The following TBC1D22A variants were observed in gnomAD, a reference collection of about 807,000 sequenced individuals.
TBC1D22A encodes the protein putative GTPase activator.
In TBC1D22A, 38 loss-of-function variants were observed where a neutral mutation model predicts 60.2. That is an observed-to-expected ratio of 0.63 (90% CI 0.49 to 0.83). The LOEUF is 0.83. Among genes scored for constraint, TBC1D22A ranks in the 40% least tolerant of loss-of-function variants. The pLI is 0.00. For missense variants in TBC1D22A, 628 were observed against 701.0 expected (o/e 0.90, Z 1.18); for synonymous variants, 302 against 281.7 (o/e 1.07, Z -0.72).
chr22:46,857,558 T>C (rs1311638179), intron 4 of TBC1D22A, among the ~76,000 whole-genome samples: 1 of 152,246 alleles, frequency 6.6e-6, no homozygotes, highest in East Asian at 1.9e-4. Context: ...TGGTTTTTAG[T>C]GTGTTTGCAG....
At chr22:46,998,499 A>C (rs1444166629) in intron 10 of TBC1D22A, among the ~76,000 whole-genome samples, 1 of 152,204 alleles carries the variant, frequency 6.6e-6, no homozygotes, top group Non-Finnish European at 1.5e-5. Context: ...GTGGAGACAA[A>C]TTGCACTTTG....
chr22:46,858,759 C>T (rs930388065), intron 4 of TBC1D22A, among the ~76,000 whole-genome samples: 11 of 152,198 alleles, frequency 7.2e-5, no homozygotes, highest in Admixed American at 6.5e-4. Flanking sequence ...AGGGAGGACA[C>T]CCACCGCTGA....
At chr22:46,954,528 C>G (rs1193193556) in intron 8 of TBC1D22A, among the ~76,000 whole-genome samples, 1 of 152,218 alleles carries the variant, frequency 6.6e-6, no homozygotes, top group Non-Finnish European at 1.5e-5. Flanking sequence ...GGCCCCCTCT[C>G]CTGGGCTCAT....
At chr22:46,891,463 A>G (rs1402934657) in intron 6 of TBC1D22A, 69 bp downstream of exon 6, 17 of 1,488,108 alleles carry the variant, frequency 1.1e-5, no homozygotes, top group Non-Finnish European at 1.5e-5. Context: ...ATAGGAGGAA[A>G]TGTTTTATCA....
At chr22:46,816,831 G>A (rs1472393368) in intron 4 of TBC1D22A, among the ~76,000 whole-genome samples, 2 of 152,150 alleles carry the variant, frequency 1.3e-5, no homozygotes, top group Admixed American at 6.5e-5. Context: ...CAGGAAGCGG[G>A]TAGAGCTTGT....
At chr22:46,780,613 G>A (rs1408754718) in intron 1 of TBC1D22A, among the ~76,000 whole-genome samples, 1 of 152,198 alleles carries the variant, frequency 6.6e-6, no homozygotes, top group Non-Finnish European at 1.5e-5. Context: ...TGTCCCTCTT[G>A]ACTCTGACTT....
chr22:46,846,052 ATCTG>A (rs1450237827), intron 4 of TBC1D22A, among the ~76,000 whole-genome samples: 2 of 152,250 alleles, frequency 1.3e-5, no homozygotes, highest in African/African-American at 4.8e-5. Context: ...TTAGACATCC[ATCTG>A]TCTGGGACAA....
At chr22:46,965,913 C>T (rs922269894) in intron 8 of TBC1D22A, among the ~76,000 whole-genome samples, 7 of 152,188 alleles carry the variant, frequency 4.6e-5, no homozygotes, top group African/African-American at 1.7e-4. Flanking sequence ...GTGCCCACCT[C>T]GTTTCCACAG....
chr22:46,967,119 G>C (rs111754790), intron 8 of TBC1D22A, among the ~76,000 whole-genome samples: 110 of 152,364 alleles, frequency 7.2e-4, no homozygotes, highest in African/African-American at 2.5e-3. Context: ...CCGTGGAGCA[G>C]AGTCGGGAAC....
chr22:46,879,327 T>C (rs1180500440), intron 5 of TBC1D22A, among the ~76,000 whole-genome samples: 1 of 150,878 alleles, frequency 6.6e-6, no homozygotes, highest in African/African-American at 2.4e-5. Context: ...ACATCAGCAA[T>C]GCCCTCGTAC....
At chr22:46,896,823 C>T (rs2068705439) in intron 7 of TBC1D22A, among the ~76,000 whole-genome samples, 1 of 152,124 alleles carries the variant, frequency 6.6e-6, no homozygotes, top group Non-Finnish European at 1.5e-5. Context: ...CTTCCACGTA[C>T]GTCTCAGAGT....
intron 5 of TBC1D22A, among the ~76,000 whole-genome samples, chr22:46,888,241 G>T (rs1239698354): frequency 6.6e-6 from 1 of 152,218 alleles, no homozygotes; most frequent in Non-Finnish European, 1.5e-5. Flanking sequence ...GCTTAGCCCA[G>T]TTAAGACCTG....
chr22:47,004,533 C>T (rs2148270360), intron 10 of TBC1D22A, among the ~76,000 whole-genome samples: 1 of 151,464 alleles, frequency 6.6e-6, no homozygotes, highest in East Asian at 1.9e-4. Flanking sequence ...ATACACACAC[C>T]TGCCATATAC....
At chr22:46,767,769 G>A (rs534449262) in intron 1 of TBC1D22A, among the ~76,000 whole-genome samples, 85 of 152,174 alleles carry the variant, frequency 5.6e-4, no homozygotes, top group African/African-American at 2.0e-3. Context: ...GGGGAAGAGC[G>A]GTCCTGGCAG....
chr22:46,920,745 T>C (rs1357672304), intron 8 of TBC1D22A, among the ~76,000 whole-genome samples: 3 of 151,014 alleles, frequency 2.0e-5, no homozygotes, highest in Admixed American at 6.6e-5. Context: ...ATAATTTTTA[T>C]TTATTTTTTG....
Position 46,762,887 on chromosome 22 carries a change from C to T in TBC1D22A, c.62+39C>T. The T allele has an allele frequency of 2.7e-6, 4 of 1,468,722 alleles. No individual in the cohort carries two copies. The South Asian group carries it at 5.6e-5, about 20-fold the overall frequency. The allele number at this position is 1,468,722 out of a possible 1,614,324, so 91.0% of individuals were successfully genotyped here. A position where few individuals can be genotyped will look rare whatever the true frequency, so the allele number is the denominator to read the frequency against. ...GGAGGGCCAGGTCGGGGTCAGGGGT[C>T]AGAGGTCAGGTGGCCGCGTTGGCCT... On this transcript the variant is annotated intron_variant, in intron 1 of 12. Transcript: ENST00000337137.
chr22:46,784,652 A>G lies in TBC1D22A; in HGVS notation c.63-7868A>G, dbSNP rs544140362. Reference sequence around the variant, plus strand: ...TGTGGCCTGTGATAATGTTGCAGAGACTTTTTTTTTAAAAAGGACATGCAA... The same window carrying G: ...TGTGGCCTGTGATAATGTTGCAGAGGCTTTTTTTTTAAAAAGGACATGCAA... On this transcript the variant is annotated intron_variant, in intron 1 of 12. Transcript: ENST00000337137. 2.6e-4 allele frequency among the ~76,000 whole-genome samples: 39 copies of G among 152,340 alleles called. No homozygotes were observed. In the East Asian group the frequency reaches 6.4e-3, roughly 25 times the overall value.
chr22:46,979,415 G>A (rs1461185786), intron 9 of TBC1D22A, among the ~76,000 whole-genome samples: 1 of 152,192 alleles, frequency 6.6e-6, no homozygotes, highest in Non-Finnish European at 1.5e-5. Flanking sequence ...TAACTGATTT[G>A]TCTGCTAGTC....
At chr22:47,014,198 G>C (rs999521002) in intron 10 of TBC1D22A, among the ~76,000 whole-genome samples, 1 of 152,172 alleles carries the variant, frequency 6.6e-6, no homozygotes, top group African/African-American at 2.4e-5. Flanking sequence ...GCGGTGGCCC[G>C]GGCTTTTGCT....
Sources: gnomAD v4.1 joint callset for allele counts (sites outside exome capture counted in the v4.1 genomes callset) on GRCh38, gnomAD v4.1.1 for gene constraint, MANE v1.5 for transcripts, NCBI Gene and HGNC (gene_info 2026-07-23, HGNC 2026-07-21) for gene names.